EMC3: variants seen among roughly 807,000 people sequenced by gnomAD.
EMC3 encodes the protein ER membrane protein complex subunit 3.
EMC3 carries 13 observed loss-of-function variants against 36.6 expected under a neutral mutation model. That is an observed-to-expected ratio of 0.35 (90% CI 0.23 to 0.56). EMC3 has a LOEUF of 0.56. Among genes scored for constraint, EMC3 ranks in the 20% least tolerant of loss-of-function variants. The probability of loss-of-function intolerance (pLI) is 0.84; values close to 1 mark genes in which losing one functional copy is unlikely to be tolerated. For missense variants in EMC3, 220 were observed against 324.5 expected (o/e 0.68, Z 2.47); for synonymous variants, 120 against 111.9 (o/e 1.07, Z -0.46).
chr3:9,964,106 C>T lies in EMC3; in HGVS notation c.749G>A (p.Gly250Asp), dbSNP rs141689282. The change falls in exon 8 of 8, where the codon GGC becomes GAC. Residue 250 changes from glycine (G) to aspartate (D), a missense_variant. Physicochemically the swap from Gly to Asp is moderately conservative, Grantham distance 94 (BLOSUM62 -1). Transcript: ENST00000245046. ...ELMAKDLHFE[G>D]MFKKELQTSI... is the part of the protein sequence containing the mutation. ...GGTCTGTAATTCCTTTTTGAACATGCCTTCGAAGTGGAGGTCTTTGGCCAT... is the reference window on the plus strand; with the variant it reads ...GGTCTGTAATTCCTTTTTGAACATGTCTTCGAAGTGGAGGTCTTTGGCCAT... The T allele has an allele frequency of 1.9e-6, 3 of 1,614,018 alleles. No homozygotes were observed. In the African/African-American group the frequency reaches 4.0e-5, roughly 22 times the overall value.
upstream of EMC3, chr3:9,987,001 G>A (rs1227043087): frequency 5.6e-6 from 6 of 1,078,690 alleles, no homozygotes; most frequent in Non-Finnish European, 5.7e-6. Flanking sequence ...GGATCACGAG[G>A]TCAGGGGATC....
intron 7 of EMC3, among the ~76,000 whole-genome samples, chr3:9,965,715 A>C (rs1339356264): frequency 6.6e-6 from 1 of 152,142 alleles, no homozygotes; most frequent in Non-Finnish European, 1.5e-5. Flanking sequence ...TATCTTCCGT[A>C]TCTTTTTTTC....
At chr3:10,002,611 G>T (rs1309478721) in intron 1 of EMC3, 1 of 365,662 alleles carries the variant, frequency 2.7e-6, no homozygotes, top group African/African-American at 2.1e-5. Context: ...AATACATAAA[G>T]ACCCTGTGGC....
intron 1 of EMC3, among the ~76,000 whole-genome samples, chr3:9,980,415 G>C (rs1275340637): frequency 1.3e-5 from 2 of 151,514 alleles, no homozygotes; most frequent in Admixed American, 1.3e-4. Flanking sequence ...GTCCAGGCTG[G>C]AGTGCAGTGG....
At chr3:10,008,036 G>C (rs1049562878) in intron 1 of EMC3, among the ~76,000 whole-genome samples, 1 of 152,114 alleles carries the variant, frequency 6.6e-6, no homozygotes, top group East Asian at 1.9e-4. Context: ...GGGGATGAAG[G>C]TCCCTCAGGT....
At chr3:10,004,523 A>G (rs927318190) in intron 1 of EMC3, 2 of 152,336 alleles carry the variant, frequency 1.3e-5, no homozygotes, top group Admixed American at 6.5e-5. Flanking sequence ...TCCTCTCTAC[A>G]TTGAAGTTTC....
intron 1 of EMC3, among the ~76,000 whole-genome samples, chr3:9,996,139 T>C (rs2086121419): frequency 6.6e-6 from 1 of 152,210 alleles, no homozygotes; most frequent in Admixed American, 6.5e-5. Context: ...GAACTTCACG[T>C]GGGCTTGCTT....
At chr3:9,998,915 C>T (rs1464621700) in intron 1 of EMC3, among the ~76,000 whole-genome samples, 1 of 152,048 alleles carries the variant, frequency 6.6e-6, no homozygotes, top group Non-Finnish European at 1.5e-5. Flanking sequence ...CACCATGGTG[C>T]CCCGCTAATT....
chr3:9,969,429 T>C (rs1032283518), intron 7 of EMC3: 3 of 1,292,936 alleles, frequency 2.3e-6, no homozygotes, highest in Non-Finnish European at 3.0e-6. Flanking sequence ...AGGTTCAAAT[T>C]ATTCTAAATG....
chr3:9,978,865 A>AAAT (rs34071354), intron 1 of EMC3, among the ~76,000 whole-genome samples: 33,608 of 151,820 alleles, frequency 0.22, 4,311 homozygotes, highest in African/African-American at 0.36. Context: ...CAAACAAAAA[A>AAAT]ACTGTGCTTG....
chr3:9,984,649 C>T (rs1272226866), intron 1 of EMC3, among the ~76,000 whole-genome samples: 4 of 151,810 alleles, frequency 2.6e-5, no homozygotes, highest in African/African-American at 9.7e-5. Flanking sequence ...CCTCGGCCTC[C>T]CAAAGTGCTG....
At chr3:9,991,074 C>T (rs912254911), upstream of EMC3, among the ~76,000 whole-genome samples, 9 of 149,354 alleles carry the variant, frequency 6.0e-5, no homozygotes, top group Non-Finnish European at 7.4e-5. Flanking sequence ...GTGATCTGCC[C>T]GCCTTGGCCT....
rs61596273 is a variant in EMC3 at position 9,963,477 on chromosome 3, A to ATATATATTTTTTT, written c.*591_*592insAAAAAAATATATA. 1 of 88,926 alleles carries ATATATATTTTTTT rather than the reference A, an allele frequency of 1.1e-5. No homozygotes were observed. Among genetic ancestry groups the ATATATATTTTTTT allele is most frequent in the Non-Finnish European group, 2.2e-5 (1 of 46,270 alleles). The allele number at this position is 88,926 out of a possible 1,614,324, so 5.5% of individuals were successfully genotyped here. Reference sequence around the variant, plus strand: ...TAGATATATATATATATATATATATATTTTTTTTTTTTTTTCAGATGGAGT... The same window carrying ATATATATTTTTTT: ...TAGATATATATATATATATATATATATATATATTTTTTTTTTTTTTTTTTTTTTCAGATGGAGT... On this transcript the variant is annotated 3_prime_UTR_variant, in exon 8 of 8. Transcript: ENST00000245046.
intron 1 of EMC3, chr3:10,004,147 A>G (rs1447989378): frequency 6.6e-6 from 1 of 152,218 alleles, no homozygotes; most frequent in African/African-American, 2.4e-5. Flanking sequence ...CCTCTCAGCA[A>G]AAATTTAAAG....
intron 1 of EMC3, among the ~76,000 whole-genome samples, chr3:9,977,833 A>C (rs1393932465): frequency 6.6e-6 from 1 of 152,160 alleles, no homozygotes; most frequent in Non-Finnish European, 1.5e-5. Flanking sequence ...GGATAAAAGA[A>C]GGAATTTCTT....
intron 1 of EMC3, among the ~76,000 whole-genome samples, chr3:10,000,468 C>G (rs1171864899): frequency 1.3e-5 from 2 of 152,160 alleles, no homozygotes; most frequent in Admixed American, 6.5e-5. Context: ...TATTAAAATT[C>G]AAAAACTGAA....
At chr3:9,986,876 C>T, upstream of EMC3, 1 of 1,361,380 alleles carries the variant, frequency 7.3e-7, no homozygotes, top group South Asian at 1.7e-5. Context: ...CGTGGCGCAC[C>T]TCAGTGGCGT....
rs1369054883 is a variant in EMC3, at chr3:9,998,020, A to G, written c.-241-11118T>C. ...AATTTTACATTCCTACCACCAATGC[A>G]CGTGGTCTCCAATTTCTCCATATTC... On this transcript the variant is annotated intron_variant, in intron 1 of 8. Transcript: ENST00000470827. Among the ~76,000 whole-genome samples, 5 of 152,094 alleles carry G rather than the reference A, an allele frequency of 3.3e-5. 1 individual carries two copies. The South Asian group carries it at 1.0e-3, about 31-fold the overall frequency.
At chr3:10,004,179 C>A (rs1439260625) in intron 1 of EMC3, 2 of 152,174 alleles carry the variant, frequency 1.3e-5, no homozygotes, top group African/African-American at 4.8e-5. Flanking sequence ...TTTCCCCAGT[C>A]TACTTTTCCT....
Sources: allele counts gnomAD v4.1 joint callset (sites outside exome capture counted in the v4.1 genomes callset), GRCh38; gene constraint gnomAD v4.1.1; transcripts MANE v1.5; gene names NCBI Gene and HGNC (gene_info 2026-07-23, HGNC 2026-07-21).